MICAL2: variants seen among roughly 807,000 people sequenced by gnomAD.
The protein encoded by MICAL2 is microtubule associated monooxygenase, calponin and LIM domain containing 2, also known as [F-actin]-monooxygenase MICAL2.
In MICAL2, 77 loss-of-function variants were observed where a neutral mutation model predicts 127.3. The ratio of observed to expected loss-of-function variants is 0.60; its 90% CI spans 0.50 to 0.73. MICAL2 has a LOEUF of 0.73. Among genes scored for constraint, MICAL2 ranks in the 30% least tolerant of loss-of-function variants. The pLI is 0.00. For synonymous variants in MICAL2, 570 were observed against 551.1 expected (o/e 1.03, Z -0.48); for missense variants, 1,351 against 1,434.4 (o/e 0.94, Z 0.94).
chr11:12,146,124 C>A (rs1386040366), intron 2 of MICAL2, among the ~76,000 whole-genome samples: 2 of 152,070 alleles, frequency 1.3e-5, no homozygotes, highest in Non-Finnish European at 2.9e-5. Context: ...AGAAGAAAAC[C>A]TAGGCAATAC....
At chr11:12,201,063 G>A (rs1319430018) in intron 3 of MICAL2, among the ~76,000 whole-genome samples, 1 of 152,004 alleles carries the variant, frequency 6.6e-6, no homozygotes, top group Non-Finnish European at 1.5e-5. Flanking sequence ...GTCATTGTCT[G>A]GCTATGTCCA....
At chr11:12,209,093 GT>G (rs1855105311) in intron 5 of MICAL2, among the ~76,000 whole-genome samples, 1 of 152,116 alleles carries the variant, frequency 6.6e-6, no homozygotes, top group Admixed American at 6.6e-5. Context: ...ATTAAAAGTG[GT>G]TTCCTTACAC....
At chr11:12,113,528 C>T (rs1415554524) in intron 1 of MICAL2, among the ~76,000 whole-genome samples, 1 of 152,246 alleles carries the variant, frequency 6.6e-6, no homozygotes, top group Non-Finnish European at 1.5e-5. Context: ...AGGCACAGCT[C>T]CTCTGCTGCG....
At chr11:12,231,481 C>T (rs147577865) in intron 15 of MICAL2, among the ~76,000 whole-genome samples, 9 of 152,332 alleles carry the variant, frequency 5.9e-5, no homozygotes, top group African/African-American at 2.2e-4. Context: ...GCACACTTTC[C>T]GAAGAGCCGG....
At chr11:12,117,346 T>G (rs1404177535) in intron 1 of MICAL2, among the ~76,000 whole-genome samples, 2 of 152,210 alleles carry the variant, frequency 1.3e-5, no homozygotes, top group Non-Finnish European at 2.9e-5. Flanking sequence ...GCACACAGCC[T>G]GGAAGCCCAG....
intron 2 of MICAL2, among the ~76,000 whole-genome samples, chr11:12,153,968 T>G (rs1853880528): frequency 6.6e-6 from 1 of 152,166 alleles, no homozygotes; most frequent in South Asian, 2.1e-4. Flanking sequence ...GGTACACAGG[T>G]TTCCTTCTTG....
chr11:12,198,915 C>T (rs973977614), intron 3 of MICAL2, among the ~76,000 whole-genome samples: 1 of 152,206 alleles, frequency 6.6e-6, no homozygotes, highest in Non-Finnish European at 1.5e-5. Flanking sequence ...TGCAGAGCCC[C>T]TGTGAACCCA....
chr11:12,304,468 T>C (rs1265151665), intron 29 of MICAL2, among the ~76,000 whole-genome samples: 1 of 151,892 alleles, frequency 6.6e-6, no homozygotes, highest in African/African-American at 2.4e-5. Flanking sequence ...CCATCTCTAC[T>C]AAAAATACAA....
intron 3 of MICAL2, among the ~76,000 whole-genome samples, chr11:12,178,353 C>T (rs1857064122): frequency 6.6e-6 from 1 of 152,004 alleles, no homozygotes; most frequent in African/African-American, 2.4e-5. Context: ...GACACAGCCT[C>T]AGGAGGTCCT....
chr11:12,253,208 T>G (rs1212032379), intron 22 of MICAL2: 4 of 152,310 alleles, frequency 2.6e-5, no homozygotes, highest in Admixed American at 2.6e-4. Flanking sequence ...GACACCTTGG[T>G]GGGGGTCCAG....
At chr11:12,273,939 A>G (rs1476765204), upstream of MICAL2, among the ~76,000 whole-genome samples, 2 of 152,100 alleles carry the variant, frequency 1.3e-5, no homozygotes, top group African/African-American at 4.8e-5. Context: ...ATAGGAATAG[A>G]GGGTTCATAA....
At chr11:12,357,505 G>A (rs2134914093) in intron 34 of MICAL2, among the ~76,000 whole-genome samples, 1 of 152,278 alleles carries the variant, frequency 6.6e-6, no homozygotes, top group Non-Finnish European at 1.5e-5. Context: ...GCTTCCCTGT[G>A]GTCCCTAAAC....
chr11:12,194,030 G>A (rs1859548222), intron 3 of MICAL2, among the ~76,000 whole-genome samples: 1 of 152,238 alleles, frequency 6.6e-6, no homozygotes, highest in Admixed American at 6.5e-5. Context: ...AAGCAGGTCT[G>A]GCAATAATAT....
At chr11:12,329,880 AAAAG>A (rs1297098207) in intron 32 of MICAL2, among the ~76,000 whole-genome samples, 2 of 148,814 alleles carry the variant, frequency 1.3e-5, no homozygotes, top group East Asian at 2.0e-4. Context: ...AAAAAAAAAA[AAAAG>A]AAAAGAGAGA....
chr11:12,311,639 GGCCT>G (rs2134824244), intron 29 of MICAL2, among the ~76,000 whole-genome samples: 1 of 152,228 alleles, frequency 6.6e-6, no homozygotes, highest in East Asian at 1.9e-4. Flanking sequence ...TGACTGCCTT[GGCCT>G]GATCCACCTG....
chr11:12,258,322 A>G (rs1862608663), intron 24 of MICAL2, 146 bp from the exon 25 acceptor site: 2 of 640,626 alleles, frequency 3.1e-6, no homozygotes, highest in South Asian at 3.7e-5. Flanking sequence ...AGGTGACAGA[A>G]GCCGTTTCCC....
rs138170636 is a variant in MICAL2 at position 12,224,807 on chromosome 11, C to T, written c.1675C>T (p.Arg559Trp). ...LALCAIIHRF[R>W]PELINFDSLN... Reference sequence around the variant, plus strand: ...CCTGTGTGCCATCATCCACCGCTTCCGGCCTGAGCTCATGTGAGTCTGGGG... The same window carrying T: ...CCTGTGTGCCATCATCCACCGCTTCTGGCCTGAGCTCATGTGAGTCTGGGG... Residue 559 changes from arginine to tryptophan, a missense_variant, in exon 13 of 28, where the codon CGG (arginine) becomes TGG (tryptophan). Around this residue, in one of 2 missense-constraint regions of MICAL2, gnomAD observed 599 missense variants for 714.9 expected, o/e 0.84. Coordinates refer to ENST00000683283, the MANE Select transcript of MICAL2 (RefSeq NM_001282663.2). The T allele has an allele frequency of 4.9e-5, 79 of 1,612,490 alleles. No homozygotes were observed. In the African/African-American group the frequency reaches 5.6e-4, roughly 11 times the overall value.
At chr11:12,180,672 G>A (rs1032937911) in intron 3 of MICAL2, among the ~76,000 whole-genome samples, 5 of 152,092 alleles carry the variant, frequency 3.3e-5, no homozygotes, top group Non-Finnish European at 5.9e-5. Flanking sequence ...CTTTACAGAT[G>A]AGGAAACTGA....
At chr11:12,316,778 G>A (rs770701688) in intron 29 of MICAL2, among the ~76,000 whole-genome samples, 1 of 152,124 alleles carries the variant, frequency 6.6e-6, no homozygotes, top group East Asian at 1.9e-4. Flanking sequence ...AATTAAATAG[G>A]CAGTAAAGAA....
Sources: gnomAD v4.1 joint callset for allele counts (sites outside exome capture counted in the v4.1 genomes callset) on GRCh38, gnomAD v4.1.1 for gene constraint, gnomAD v4.1.1 regional missense constraint, MANE v1.5 for transcripts, NCBI Gene and HGNC (gene_info 2026-07-23, HGNC 2026-07-21) for gene names.